Variants in DLGAP2 observed in about 807,000 individuals in gnomAD.
DLGAP2 encodes the protein DLG associated protein 2.
In DLGAP2, 26 loss-of-function variants were observed where a neutral mutation model predicts 100.3. That is an observed-to-expected ratio of 0.26 (90% CI 0.19 to 0.36). DLGAP2 has a LOEUF of 0.36. Among genes scored for constraint, DLGAP2 ranks in the 10% least tolerant of loss-of-function variants. The probability of loss-of-function intolerance (pLI) is 1.00; values close to 1 mark genes in which losing one functional copy is unlikely to be tolerated. For synonymous variants in DLGAP2, 886 were observed against 630.1 expected (o/e 1.41, Z -6.08); for missense variants, 1,858 against 1,453.2 (o/e 1.28, Z -4.53).
At chr8:1,067,821 C>T (rs796935489) in intron 2 of DLGAP2, among the ~76,000 whole-genome samples, 1 of 151,950 alleles carries the variant, frequency 6.6e-6, no homozygotes, top group Non-Finnish European at 1.5e-5. Context: ...CACCCGGAGT[C>T]CGTGGTTCAC....
At chr8:876,749 T>C (rs1329990012) in intron 1 of DLGAP2, among the ~76,000 whole-genome samples, 2 of 152,182 alleles carry the variant, frequency 1.3e-5, no homozygotes, top group Non-Finnish European at 2.9e-5. Flanking sequence ...TACCTCCTTC[T>C]GATGTTCTCA....
chr8:1,353,499 C>G (rs1177553222), intron 3 of DLGAP2, among the ~76,000 whole-genome samples: 1 of 152,158 alleles, frequency 6.6e-6, no homozygotes, highest in Non-Finnish European at 1.5e-5. Flanking sequence ...TCTAAGTGTT[C>G]TGAGCACGTT....
chr8:1,507,327 AT>A (rs144915612), intron 4 of DLGAP2, among the ~76,000 whole-genome samples: 5,994 of 152,220 alleles, frequency 0.039, 247 homozygotes, highest in African/African-American at 0.1. Flanking sequence ...GCCCGGGGAG[AT>A]TTGGCGTGCA....
At chr8:1,532,309 C>T (rs1217283197) in intron 4 of DLGAP2, among the ~76,000 whole-genome samples, 3 of 152,194 alleles carry the variant, frequency 2.0e-5, no homozygotes, top group Non-Finnish European at 2.9e-5. Flanking sequence ...CGATCCTTCT[C>T]TCTCTTGCTT....
intron 3 of DLGAP2, chr8:1,381,103 T>A (rs1261516505): frequency 2.0e-5 from 3 of 152,090 alleles, no homozygotes; most frequent in Non-Finnish European, 4.4e-5. Flanking sequence ...TCACGGCGCA[T>A]GGTGAGGAGT....
At chr8:1,269,616 A>G (rs1407545659) in intron 3 of DLGAP2, among the ~76,000 whole-genome samples, 1 of 152,158 alleles carries the variant, frequency 6.6e-6, no homozygotes, top group African/African-American at 2.4e-5. Context: ...GTTACCCATT[A>G]CGAAGGAGTG....
chr8:1,004,411 C>G (rs186705747), intron 2 of DLGAP2, among the ~76,000 whole-genome samples: 35 of 152,312 alleles, frequency 2.3e-4, no homozygotes, highest in Non-Finnish European at 4.7e-4. Flanking sequence ...TTATTACCTG[C>G]TGTTTCAAAT....
chr8:1,541,269 C>T (rs1300062246), intron 4 of DLGAP2, among the ~76,000 whole-genome samples: 1 of 152,166 alleles, frequency 6.6e-6, no homozygotes. Flanking sequence ...ATCAAACATT[C>T]ATTGAGACCT....
chr8:1,380,518 A>AGGCTTTTTTCTGAGAAAGTGTGCG (rs1231559797), intron 3 of DLGAP2, among the ~76,000 whole-genome samples: 9 of 150,626 alleles, frequency 6.0e-5, no homozygotes, highest in Non-Finnish European at 1.2e-4. Context: ...GTGATAAGCG[A>AGGCTTTTTTCTGAGAAAGTGTGCG]GGCTTTTTTC....
At chr8:1,149,390 G>T (rs1198231597) in intron 2 of DLGAP2, among the ~76,000 whole-genome samples, 1 of 151,950 alleles carries the variant, frequency 6.6e-6, no homozygotes, top group East Asian at 1.9e-4. Context: ...CTCGTGATCC[G>T]CTCACCTCGG....
intron 6 of DLGAP2, among the ~76,000 whole-genome samples, chr8:1,598,276 T>C (rs946278656): frequency 3.3e-5 from 5 of 152,248 alleles, no homozygotes; most frequent in South Asian, 2.1e-4. Context: ...CAGTATTTTA[T>C]TGAGGATTTC....
chr8:1,285,570 C>G (rs1799905833), intron 3 of DLGAP2, among the ~76,000 whole-genome samples: 1 of 152,176 alleles, frequency 6.6e-6, no homozygotes, highest in Admixed American at 6.6e-5. Context: ...CAAGACACAC[C>G]TGTCTGTGGA....
At chr8:1,526,048 T>C (rs1385116914) in intron 4 of DLGAP2, among the ~76,000 whole-genome samples, 1 of 151,674 alleles carries the variant, frequency 6.6e-6, no homozygotes, top group Non-Finnish European at 1.5e-5. Context: ...TCCAAAGCGC[T>C]CCAGTGAGCA....
intron 1 of DLGAP2, among the ~76,000 whole-genome samples, chr8:783,533 T>C (rs915125453): frequency 1.3e-5 from 2 of 152,236 alleles, no homozygotes; most frequent in African/African-American, 4.8e-5. Flanking sequence ...CTTCACAATA[T>C]GGTGCTCACC....
intron 3 of DLGAP2, among the ~76,000 whole-genome samples, chr8:1,320,712 G>A (rs1800876657): frequency 6.6e-6 from 1 of 152,160 alleles, no homozygotes; most frequent in Non-Finnish European, 1.5e-5. Flanking sequence ...AGCACCTTGT[G>A]CACACCCACC....
intron 1 of DLGAP2, among the ~76,000 whole-genome samples, chr8:898,046 G>A (rs1029396847): frequency 3.7e-5 from 3 of 81,220 alleles, no homozygotes; most frequent in Admixed American, 1.1e-4. Flanking sequence ...TGCAGTAAGT[G>A]GGTTGGAAAA....
intron 3 of DLGAP2, among the ~76,000 whole-genome samples, chr8:1,488,104 C>A (rs1216368223): frequency 6.6e-6 from 1 of 152,156 alleles, no homozygotes; most frequent in Non-Finnish European, 1.5e-5. Flanking sequence ...TTCAGGATTT[C>A]TTGACAAGCC....
intron 4 of DLGAP2, among the ~76,000 whole-genome samples, chr8:1,529,796 C>G (rs1314218015): frequency 6.6e-6 from 1 of 152,158 alleles, no homozygotes; most frequent in Non-Finnish European, 1.5e-5. Context: ...AATAAAGGGA[C>G]AGACTACAAA....
At chr8:1,267,729 C>G (rs900124546) in intron 3 of DLGAP2, among the ~76,000 whole-genome samples, 8 of 152,064 alleles carry the variant, frequency 5.3e-5, no homozygotes, top group Non-Finnish European at 1.0e-4. Context: ...CGTAGCAACT[C>G]TGTTGGACTT....
Sources: gnomAD v4.1 joint callset for allele counts (sites outside exome capture counted in the v4.1 genomes callset) on GRCh38, gnomAD v4.1.1 for gene constraint, MANE v1.5 for transcripts, NCBI Gene and HGNC (gene_info 2026-07-23, HGNC 2026-07-21) for gene names.